EDIL3: variants seen among roughly 807,000 people sequenced by gnomAD.
EDIL3 encodes EGF-like repeat and discoidin I-like domain-containing protein 3.
EDIL3 carries 37 observed loss-of-function variants against 67.4 expected under a neutral mutation model. The observed-to-expected ratio is 0.55, with a 90% CI of 0.42 to 0.72. The LOEUF (loss-of-function observed/expected upper bound fraction) is 0.72. EDIL3 is among the 30% of genes least tolerant of loss of function. The pLI is 0.00. For missense variants in EDIL3, 527 were observed against 586.3 expected (o/e 0.90, Z 1.04); for synonymous variants, 195 against 196.3 (o/e 0.99, Z 0.05).
At chr5:84,198,860 T>C (rs1018115805) in intron 3 of EDIL3, among the ~76,000 whole-genome samples, 2 of 152,070 alleles carry the variant, frequency 1.3e-5, no homozygotes, top group Admixed American at 6.6e-5. Flanking sequence ...TTTTCTGGTT[T>C]TATTGGTCAC....
intron 9 of EDIL3, among the ~76,000 whole-genome samples, chr5:84,033,514 A>G (rs1745964847): frequency 6.6e-6 from 1 of 152,060 alleles, no homozygotes; most frequent in African/African-American, 2.4e-5. Context: ...GTTCAAGACC[A>G]GCATGACAAA....
At chr5:84,106,431 T>C (rs1030967961) in intron 6 of EDIL3, among the ~76,000 whole-genome samples, 1 of 152,128 alleles carries the variant, frequency 6.6e-6, no homozygotes, top group African/African-American at 2.4e-5. Flanking sequence ...TACCTGAATA[T>C]TTTTAACGTT....
At chr5:84,109,369 G>A (rs1747519072) in intron 5 of EDIL3, among the ~76,000 whole-genome samples, 2 of 152,112 alleles carry the variant, frequency 1.3e-5, no homozygotes, top group African/African-American at 4.8e-5. Flanking sequence ...ACCTGGGCAT[G>A]GCAGCATGTG....
intron 3 of EDIL3, among the ~76,000 whole-genome samples, chr5:84,220,896 C>T (rs1744329089): frequency 1.3e-5 from 2 of 151,242 alleles, no homozygotes; most frequent in South Asian, 4.2e-4. Context: ...AGACATATTA[C>T]AGCCATGGAG....
intron 1 of EDIL3, among the ~76,000 whole-genome samples, chr5:84,372,223 C>T (rs1747869531): frequency 6.6e-6 from 1 of 151,794 alleles, no homozygotes; most frequent in Non-Finnish European, 1.5e-5. Context: ...GAATGGCTTA[C>T]AAGGACAGAT....
Position 84,066,591 on chromosome 5 carries a change from T to G in EDIL3, c.667A>C (p.Lys223Gln). The change falls in exon 7 of 11, where the codon AAA becomes CAA. Residue 223 changes from lysine (K) to glutamine (Q), a missense_variant. By Grantham distance (53) the Lys-to-Gln change is moderately conservative. Coordinates refer to ENST00000296591, the MANE Select transcript of EDIL3 (RefSeq NM_005711.5). ...WPWIQINLQR[K>Q]MRVTGVITQG... ...GTAATCACACCAGTAACTCTCATTTTCCTTTGCAAATTTATCTGAAAAGAC... is the reference window on the plus strand; with the variant it reads ...GTAATCACACCAGTAACTCTCATTTGCCTTTGCAAATTTATCTGAAAAGAC... 1 of 1,612,348 alleles carries G rather than the reference T, an allele frequency of 6.2e-7. No individual in the cohort carries two copies. The highest frequency in any genetic ancestry group is 8.5e-7 in the Non-Finnish European group (1 of 1,179,620).
intron 1 of EDIL3, among the ~76,000 whole-genome samples, chr5:84,282,134 G>A (rs1340911518): frequency 6.6e-6 from 1 of 151,698 alleles, no homozygotes; most frequent in Non-Finnish European, 1.5e-5. Flanking sequence ...GCCTCCCAAA[G>A]TGCTGGGATT....
intron 1 of EDIL3, among the ~76,000 whole-genome samples, chr5:84,299,591 A>C (rs1000535285): frequency 6.6e-6 from 1 of 152,104 alleles, no homozygotes; most frequent in Non-Finnish European, 1.5e-5. Flanking sequence ...CATAAACATA[A>C]ACTTATATTC....
intron 9 of EDIL3, among the ~76,000 whole-genome samples, chr5:83,984,958 C>T (rs1745033657): frequency 1.6e-5 from 1 of 63,640 alleles, no homozygotes; most frequent in East Asian, 1.3e-3. Context: ...ACACCACACA[C>T]ACACACACAC....
At chr5:84,013,563 T>C (rs543183033) in intron 9 of EDIL3, among the ~76,000 whole-genome samples, 1 of 152,282 alleles carries the variant, frequency 6.6e-6, no homozygotes, top group African/African-American at 2.4e-5. Flanking sequence ...ATATGAGATA[T>C]GCACATCATT....
At chr5:84,102,018 T>G (rs1044872201) in intron 6 of EDIL3, among the ~76,000 whole-genome samples, 1 of 151,988 alleles carries the variant, frequency 6.6e-6, no homozygotes, top group Non-Finnish European at 1.5e-5. Flanking sequence ...GTTCAACATA[T>G]GTAAATCAAT....
rs1259756568 is a variant in EDIL3, at chr5:84,270,433, T to C, written c.68-16221A>G. On this transcript the variant is annotated intron_variant, in intron 1 of 10. Coordinates refer to ENST00000296591, the MANE Select transcript of EDIL3 (RefSeq NM_005711.5). ...GCTGTTTAACTCATAAGCCTAAGGA[T>C]ATATACACATCTGTCAGTAAATTTA... 2.0e-5 allele frequency among the ~76,000 whole-genome samples: 3 copies of C among 152,212 alleles called. No individual in the cohort carries two copies. The South Asian group carries it at 6.2e-4, about 31-fold the overall frequency.
chr5:83,986,262 A>T (rs1262945877), intron 9 of EDIL3, among the ~76,000 whole-genome samples: 1 of 152,188 alleles, frequency 6.6e-6, no homozygotes, highest in African/African-American at 2.4e-5. Context: ...GCATATTGAT[A>T]AAATTCCAAA....
intron 9 of EDIL3, among the ~76,000 whole-genome samples, chr5:83,969,951 AT>A (rs1386871019): frequency 6.6e-6 from 1 of 151,648 alleles, no homozygotes; most frequent in Admixed American, 6.6e-5. Flanking sequence ...ACAGTCAACT[AT>A]AGTCATCTGA....
At chr5:84,198,691 G>T (rs899673986) in intron 3 of EDIL3, among the ~76,000 whole-genome samples, 2 of 152,012 alleles carry the variant, frequency 1.3e-5, no homozygotes, top group Admixed American at 1.3e-4. Context: ...AGAAAAGGAA[G>T]ATTCCTAAGA....
At chr5:84,252,518 A>AAAAAAAAAAAAAAAAAAAAAAAAAC (rs1745045066) in intron 2 of EDIL3, among the ~76,000 whole-genome samples, 1 of 148,670 alleles carries the variant, frequency 6.7e-6, no homozygotes, top group African/African-American at 2.5e-5. Context: ...AAAAAAAAAA[A>AAAAAAAAAAAAAAAAAAAAAAAAAC]TTCTGCTAAG....
At chr5:84,372,651 C>G (rs1747878129) in intron 1 of EDIL3, among the ~76,000 whole-genome samples, 1 of 152,094 alleles carries the variant, frequency 6.6e-6, no homozygotes, top group Non-Finnish European at 1.5e-5. Flanking sequence ...TGTAAGTGTG[C>G]TACAGTGAAA....
intron 9 of EDIL3, among the ~76,000 whole-genome samples, chr5:84,045,147 A>G (rs561355425): frequency 2.6e-5 from 4 of 152,286 alleles, no homozygotes; most frequent in South Asian, 2.1e-4. Context: ...CATGAGACTT[A>G]TTCATTACCA....
intron 3 of EDIL3, among the ~76,000 whole-genome samples, chr5:84,201,862 A>T (rs1580374337): frequency 1.3e-5 from 2 of 152,128 alleles, no homozygotes; most frequent in Non-Finnish European, 2.9e-5. Flanking sequence ...ATGCAAAAAG[A>T]GAGAGTGCAC....
Sources: allele counts gnomAD v4.1 joint callset (sites outside exome capture counted in the v4.1 genomes callset), GRCh38; gene constraint gnomAD v4.1.1; transcripts MANE v1.5; gene names NCBI Gene and HGNC (gene_info 2026-07-23, HGNC 2026-07-21).